BZW2: variants seen among roughly 807,000 people sequenced by gnomAD.
BZW2 encodes the protein basic leucine zipper and W2 domains 2.
BZW2 carries 23 observed loss-of-function variants against 53.2 expected under a neutral mutation model. The ratio of observed to expected loss-of-function variants is 0.43; its 90% CI spans 0.31 to 0.61. BZW2 has a LOEUF of 0.61. Among genes scored for constraint, BZW2 ranks in the 20% least tolerant of loss-of-function variants. The probability of loss-of-function intolerance (pLI) is 0.09; values close to 1 mark genes in which losing one functional copy is unlikely to be tolerated. For synonymous variants in BZW2, 227 were observed against 186.4 expected, an observed-to-expected ratio of 1.22 and a Z score of -1.77; for missense variants, 409 against 503.1, an observed-to-expected ratio of 0.81 and a Z score of 1.79.
At position 16,694,962 on chromosome 7, in the gene BZW2, G is replaced by A; in HGVS notation, c.780G>A (p.Lys260=). The A allele has an allele frequency of 6.3e-7, 1 of 1,592,356 alleles. No individual in the cohort carries two copies. Residue 260 remains lysine (K), a synonymous_variant, in exon 8 of 12, where the codon AAG becomes AAA. Coordinates refer to ENST00000258761, the MANE Select transcript of BZW2 (RefSeq NM_014038.3). ...TGGGCACCAGGAAGGAACTGCAGAA[G>A]GAGCTCCAGGAGCGTCTTTCTCAGG... ...QSLGTRKELQ[K]ELQERLSQEC... is the part of the protein sequence containing the mutation.
intron 3 of BZW2, among the ~76,000 whole-genome samples, chr7:16,675,601 C>T (rs372018646): frequency 2.0e-5 from 3 of 152,218 alleles, no homozygotes; most frequent in African/African-American, 7.2e-5. Flanking sequence ...ACTAGGCCTT[C>T]TGTCATTCTG....
chr7:16,689,101 C>T (rs1411341890), intron 6 of BZW2, among the ~76,000 whole-genome samples: 19 of 152,078 alleles, frequency 1.2e-4, no homozygotes, highest in Admixed American at 1.1e-3. Context: ...TGGTGCATGC[C>T]TGTAATCCCA....
chr7:16,650,651 G>C (rs553748861), intron 1 of BZW2, among the ~76,000 whole-genome samples: 9 of 152,180 alleles, frequency 5.9e-5, no homozygotes, highest in Admixed American at 4.6e-4. Flanking sequence ...TGTCATCCTA[G>C]ACTTTGGGAT....
chr7:16,665,614 A>G, intron 2 of BZW2, 113 bp downstream of exon 2: 1 of 1,508,356 alleles, frequency 6.6e-7, no homozygotes, highest in Non-Finnish European at 9.0e-7. Flanking sequence ...TACTCATTTG[A>G]GCTCTGAGTG....
chr7:16,704,527 T>A lies in BZW2; in HGVS notation c.1109-20T>A. ...TGACATTTGTATAGTAACTTTGAAA[T>A]CTTTGATTTAAAATTGCAGCTGATG... On this transcript the variant is annotated intron_variant, in intron 10 of 11. Transcript: ENST00000258761. The A allele has an allele frequency of 6.6e-7, 1 of 1,504,644 alleles. No homozygotes were observed. Among genetic ancestry groups the A allele is most frequent in the Non-Finnish European group, 9.0e-7 (1 of 1,106,874 alleles). The allele number at this position is 1,504,644 out of a possible 1,614,324, so 93.2% of individuals were successfully genotyped here.
intron 7 of BZW2, 53 bp from the exon 8 acceptor site, chr7:16,694,781 C>G (rs1280486059): frequency 7.2e-7 from 1 of 1,382,620 alleles, no homozygotes; most frequent in Non-Finnish European, 9.7e-7. Flanking sequence ...GTCCTTTATG[C>G]TTGCTGAAAT....
chr7:16,674,708 A>G, intron 3 of BZW2, 120 bp downstream of exon 3: 1 of 890,948 alleles, frequency 1.1e-6, no homozygotes, highest in Admixed American at 3.7e-5. Context: ...AAAAATACAA[A>G]TGGAAGCCTA....
At chr7:16,670,626 C>A (rs1244613516) in intron 2 of BZW2, among the ~76,000 whole-genome samples, 1 of 152,138 alleles carries the variant, frequency 6.6e-6, no homozygotes, top group Non-Finnish European at 1.5e-5. Flanking sequence ...GTTGGCTAGA[C>A]CCTGAGTGGG....
intron 1 of BZW2, among the ~76,000 whole-genome samples, chr7:16,657,355 A>G (rs936887822): frequency 4.6e-5 from 7 of 152,202 alleles, no homozygotes; most frequent in South Asian, 2.1e-4. Context: ...CTGTATCTAC[A>G]TAGCATGTCA....
In BZW2 at chr7:16,704,591, G is replaced by A; in HGVS notation, c.1153G>A (p.Ala385Thr). The A allele has an allele frequency of 6.3e-7, 1 of 1,594,742 alleles. No individual in the cohort carries two copies. Among genetic ancestry groups the A allele is most frequent in the Non-Finnish European group, 8.6e-7 (1 of 1,164,932 alleles). Reference sequence around the variant, plus strand: ...AGCAATACTGAAATGGTATAAGGAAGCACATGTTGCTAAAGGCAAAAGTGT... The same window carrying A: ...AGCAATACTGAAATGGTATAAGGAAACACATGTTGCTAAAGGCAAAAGTGT... ...EEAILKWYKE[A>T]HVAKGKSVFL... is the part of the protein sequence containing the mutation. Residue 385 changes from alanine to threonine, a missense_variant, in exon 11 of 12, where the codon GCA becomes ACA. Coordinates refer to ENST00000258761, the MANE Select transcript of BZW2 (RefSeq NM_014038.3).
At chr7:16,674,618 A>G in intron 3 of BZW2, 30 bp downstream of exon 3, 2 of 1,451,192 alleles carry the variant, frequency 1.4e-6, no homozygotes, top group Non-Finnish European at 1.8e-6. Context: ...TTCTTGTAGT[A>G]TATTTATATA....
intron 1 of BZW2, among the ~76,000 whole-genome samples, chr7:16,657,902 C>A (rs531247155): frequency 6.6e-6 from 1 of 152,232 alleles, no homozygotes; most frequent in East Asian, 1.9e-4. Flanking sequence ...AGGGTCTTAA[C>A]GTATCGAGAG....
At chr7:16,659,680 G>A (rs1373351784) in intron 1 of BZW2, among the ~76,000 whole-genome samples, 1 of 151,896 alleles carries the variant, frequency 6.6e-6, no homozygotes, top group African/African-American at 2.4e-5. Context: ...TTAAAATATA[G>A]AATAAAAGGT....
At chr7:16,668,652 A>G (rs2128355880) in intron 2 of BZW2, among the ~76,000 whole-genome samples, 1 of 152,366 alleles carries the variant, frequency 6.6e-6, no homozygotes, top group East Asian at 1.9e-4. Flanking sequence ...GGATATTTCA[A>G]GGTCCTTGTG....
At chr7:16,704,034 C>T (rs1449579530) in intron 10 of BZW2, among the ~76,000 whole-genome samples, 1 of 152,082 alleles carries the variant, frequency 6.6e-6, no homozygotes, top group African/African-American at 2.4e-5. Flanking sequence ...CCAGAAGTTC[C>T]TCTTTATATC....
chr7:16,659,098 T>TA (rs950847573), intron 1 of BZW2, among the ~76,000 whole-genome samples: 50 of 150,172 alleles, frequency 3.3e-4, no homozygotes, highest in African/African-American at 7.6e-4. Flanking sequence ...TCTTAAAAAC[T>TA]AAAAAAAAAC....
At chr7:16,652,529 C>G (rs967911940) in intron 1 of BZW2, among the ~76,000 whole-genome samples, 10 of 152,068 alleles carry the variant, frequency 6.6e-5, no homozygotes, top group African/African-American at 9.7e-5. Context: ...AAACCTTTTT[C>G]TTTTGAGACG....
Position 16,674,474 on chromosome 7 carries a change from G to T in BZW2, c.121G>T (p.Ala41Ser). The change falls in exon 3 of 12, where the codon GCT (alanine) becomes TCT (serine). Residue 41 changes from alanine to serine, a missense_variant. Transcript: ENST00000258761. Reference sequence around the variant, plus strand: ...TACACTTGTCCAGGGGCTTAATGAGGCTGGTGATGACCTTGAAGCTGTAGC... The same window carrying T: ...TACACTTGTCCAGGGGCTTAATGAGTCTGGTGATGACCTTGAAGCTGTAGC... The part of the protein sequence containing the change: ...RDTLVQGLNE[A>S]GDDLEAVAKF... 1 of 1,613,400 alleles carries T rather than the reference G, an allele frequency of 6.2e-7. No homozygotes were observed. Among genetic ancestry groups the T allele is most frequent in the East Asian group, 2.2e-5 (1 of 44,858 alleles).
intron 2 of BZW2, among the ~76,000 whole-genome samples, chr7:16,666,106 T>C (rs545928509): frequency 4.6e-5 from 7 of 152,072 alleles, no homozygotes; most frequent in African/African-American, 1.7e-4. Flanking sequence ...TTTTATATAT[T>C]TTTTTAGAGA....
Sources: allele counts gnomAD v4.1 joint callset (sites outside exome capture counted in the v4.1 genomes callset), GRCh38; gene constraint gnomAD v4.1.1; transcripts MANE v1.5; gene names NCBI Gene and HGNC (gene_info 2026-07-23, HGNC 2026-07-21).